Variants in MAPK14 observed in about 807,000 individuals in gnomAD.
MAPK14 encodes the protein mitogen-activated protein kinase 14, also known as CSAID-binding protein.
A neutral mutation model predicts 49.6 loss-of-function variants in MAPK14; 16 were observed. The observed-to-expected ratio is 0.32, with a 90% CI of 0.22 to 0.49. The LOEUF is 0.49. MAPK14 is among the 20% of genes least tolerant of loss of function. The pLI is 0.99. For missense variants in MAPK14, 200 were observed against 441.2 expected (o/e 0.45, Z 4.90); for synonymous variants, 142 against 158.0 (o/e 0.90, Z 0.76).
chr6:36,029,475 T>TAA (rs926126543), intron 1 of MAPK14, among the ~76,000 whole-genome samples: 9 of 152,258 alleles, frequency 5.9e-5, no homozygotes, highest in African/African-American at 2.2e-4. Context: ...CTACGGATCT[T>TAA]AAACTAAGTA....
rs201965745 is a variant in MAPK14 at position 36,109,863 on chromosome 6, G to A, written c.*1416G>A. 2.0e-5 allele frequency: 3 copies of A among 152,552 alleles called. No homozygotes were observed. The South Asian group carries it at 6.2e-4, about 32-fold the overall frequency. 9.4% of individuals were successfully genotyped at this position (152,552 alleles called of 1,614,324 possible). On this transcript the variant is annotated 3_prime_UTR_variant, in exon 12 of 12. Transcript: ENST00000229794. ...TACTTTAAAATAAAAAAGTAACAAG[G>A]TGTCTTTTCCACTCCTATGGAAAAG... is the stretch of plus-strand genomic sequence containing the variant.
intron 1 of MAPK14, among the ~76,000 whole-genome samples, chr6:36,032,037 C>T (rs1417153916): frequency 1.3e-5 from 2 of 152,030 alleles, no homozygotes; most frequent in Non-Finnish European, 1.5e-5. Context: ...CCACCTTGGC[C>T]TCCCGAAGTG....
At chr6:36,072,126 A>G (rs746932314) in intron 3 of MAPK14, among the ~76,000 whole-genome samples, 4 of 152,120 alleles carry the variant, frequency 2.6e-5, no homozygotes, top group Non-Finnish European at 5.9e-5. Flanking sequence ...CCTGAGACCA[A>G]GAGTTAGAGC....
At chr6:36,076,139 A>G (rs1188647319) in intron 7 of MAPK14, among the ~76,000 whole-genome samples, 177 bp downstream of exon 7, 1 of 152,202 alleles carries the variant, frequency 6.6e-6, no homozygotes, top group African/African-American at 2.4e-5. Context: ...GGGGTTTTAT[A>G]CACAGCTTTT....
intron 5 of MAPK14, 65 bp from the exon 6 acceptor site, chr6:36,073,984 C>A: frequency 8.4e-7 from 1 of 1,191,476 alleles, no homozygotes; most frequent in South Asian, 1.2e-5. Context: ...TCATTATTAC[C>A]TGTAGGGGGA....
chr6:36,123,947 C>T, the MAPK14 span, among the ~76,000 whole-genome samples: 7 of 151,898 alleles, frequency 4.6e-5, no homozygotes, highest in East Asian at 2.0e-4. Context: ...CCTGTCATCC[C>T]GAACCCAGAA....
the MAPK14 span, among the ~76,000 whole-genome samples, chr6:36,123,865 AG>A: frequency 2.6e-5 from 4 of 152,066 alleles, no homozygotes; most frequent in Admixed American, 2.0e-4. Flanking sequence ...GCAGGGAGGC[AG>A]GCCTTAGGGG....
At chr6:36,090,673 C>T (rs1473244293) in intron 8 of MAPK14, among the ~76,000 whole-genome samples, 1 of 152,084 alleles carries the variant, frequency 6.6e-6, no homozygotes, top group Admixed American at 6.5e-5. Context: ...ATTACAGGTG[C>T]ACGTCATCAC....
At chr6:36,075,142 C>T (rs1236097719) in intron 6 of MAPK14, among the ~76,000 whole-genome samples, 5 of 142,924 alleles carry the variant, frequency 3.5e-5, no homozygotes, top group African/African-American at 1.0e-4. Flanking sequence ...AGGAGAATGG[C>T]GTGAACCTGG....
rs1765844213 is a variant in MAPK14, at chr6:36,107,837, C to A, written c.1015+209C>A. On this transcript the variant is annotated intron_variant, in intron 11 of 11. Transcript: ENST00000229794. The surrounding 1 kb of genome is among the most constrained non-coding windows in gnomAD (Gnocchi z 4.3). ...TGTCTGGTCTGATTTTATGCACAGC[C>A]CCTCACATAGGAGTTTTGCATGGAG... 6.6e-6 allele frequency among the ~76,000 whole-genome samples: 1 copy of A among 152,210 alleles called. No individual in the cohort carries two copies. Among genetic ancestry groups the A allele is most frequent in the Non-Finnish European group, 1.5e-5 (1 of 68,038 alleles).
intron 9 of MAPK14, among the ~76,000 whole-genome samples, chr6:36,099,632 A>G (rs1765564260): frequency 1.3e-5 from 2 of 152,210 alleles, no homozygotes; most frequent in East Asian, 3.9e-4. Context: ...GTTTGTGGCA[A>G]GTATTTTAAA....
Position 36,108,832 on chromosome 6 carries a change from C to T in MAPK14, c.*385C>T, listed in dbSNP as rs1765880840. The T allele has an allele frequency of 1.3e-5, 3 of 229,524 alleles. No homozygotes were observed. The highest frequency in any genetic ancestry group is 1.2e-4 in the East Asian group (1 of 8,248). 14.2% of individuals were successfully genotyped at this position (229,524 alleles called of 1,614,324 possible). A position where few individuals can be genotyped will look rare whatever the true frequency, so the allele number is the denominator to read the frequency against. On this transcript the variant is annotated 3_prime_UTR_variant, in exon 12 of 12. Coordinates refer to ENST00000229794, the MANE Select transcript of MAPK14 (RefSeq NM_139012.3). ...TCATGCTTTTGCCACTTTGGCTTCT[C>T]CTGTGACCCCACCTTGACGGTGGGG...
At chr6:36,124,110 TCTCTCTCTCCTCCCTCCCTCC>T in the MAPK14 span, among the ~76,000 whole-genome samples, 1 of 104,744 alleles carries the variant, frequency 9.5e-6, no homozygotes, top group Non-Finnish European at 2.2e-5. Context: ...TCTTTCTCTC[TCTCTCTCTCCTCCCTCCCTCC>T]CTCCCTCCCT....
At chr6:36,030,889 A>G (rs750358387) in intron 1 of MAPK14, among the ~76,000 whole-genome samples, 4 of 152,228 alleles carry the variant, frequency 2.6e-5, no homozygotes, top group Admixed American at 6.5e-5. Flanking sequence ...GAAAGAAAAT[A>G]CAACTGAAAC....
Position 36,108,455 on chromosome 6 carries a change from G to T in MAPK14, c.*8G>T, listed in dbSNP as rs115711278. On this transcript the variant is annotated 3_prime_UTR_variant, in exon 12 of 12. Coordinates refer to ENST00000229794, the MANE Select transcript of MAPK14 (RefSeq NM_139012.3). ...GAAGAGATGGAGTCCTGAGCACCTG[G>T]TTTCTGTTCTGTTGATCCCACTTCA... 3,031 of 1,612,258 alleles carry T rather than the reference G, an allele frequency of 1.9e-3. 40 individuals carry two copies. In the African/African-American group the frequency reaches 0.024, roughly 13 times the overall value.
chr6:36,029,506 T>C (rs1377357163), intron 1 of MAPK14, among the ~76,000 whole-genome samples: 1 of 152,258 alleles, frequency 6.6e-6, no homozygotes, highest in African/African-American at 2.4e-5. Context: ...CTGTTAGCTT[T>C]TTCTGTGTTT....
chr6:36,093,585 G>C (rs1765327288), intron 8 of MAPK14, among the ~76,000 whole-genome samples: 7 of 152,200 alleles, frequency 4.6e-5, no homozygotes, highest in African/African-American at 1.7e-4. Context: ...CGGGTGTGGT[G>C]GCAGGCGCCT....
At chr6:36,068,289 A>G (rs1764138206) in intron 3 of MAPK14, among the ~76,000 whole-genome samples, 1 of 152,194 alleles carries the variant, frequency 6.6e-6, no homozygotes, top group South Asian at 2.1e-4. Context: ...ACAGAGACAT[A>G]GACTATGAAA....
At chr6:36,118,386 C>T in the MAPK14 span, among the ~76,000 whole-genome samples, 2 of 152,194 alleles carry the variant, frequency 1.3e-5, no homozygotes, top group Non-Finnish European at 2.9e-5. Context: ...TCGTTGTTTT[C>T]ATGGGAAAAG....
Sources: gnomAD v4.1 joint callset for allele counts (sites outside exome capture counted in the v4.1 genomes callset) on GRCh38, gnomAD v4.1.1 for gene constraint, Gnocchi (gnomAD v3.1) non-coding constraint, MANE v1.5 for transcripts, NCBI Gene and HGNC (gene_info 2026-07-23, HGNC 2026-07-21) for gene names.